Variants in TMEM184B observed in about 807,000 individuals in gnomAD.
TMEM184B encodes the protein putative MAPK-activating protein FM08.
In TMEM184B, 17 loss-of-function variants were observed where a neutral mutation model predicts 41.8. The observed-to-expected ratio is 0.41, with a 90% CI of 0.28 to 0.61. The LOEUF is 0.61. Among genes scored for constraint, TMEM184B ranks in the 20% least tolerant of loss-of-function variants. The pLI is 0.34. For missense variants in TMEM184B, 393 were observed against 557.8 expected (o/e 0.70, Z 2.98); for synonymous variants, 240 against 229.5 (o/e 1.05, Z -0.41).
chr22:38,227,427 C>G (rs2091477848), intron 5 of TMEM184B, among the ~76,000 whole-genome samples: 1 of 152,062 alleles, frequency 6.6e-6, no homozygotes, highest in South Asian at 2.1e-4. Context: ...GACCTTGGTG[C>G]CCGGGGCAAG....
At chr22:38,221,775 C>A in intron 8 of TMEM184B, 65 bp from the exon 9 acceptor site, 3 of 1,582,162 alleles carry the variant, frequency 1.9e-6, no homozygotes, top group South Asian at 2.3e-5. Flanking sequence ...GGTGGCTCAG[C>A]CCCTGCCCGT....
At position 38,230,692 on chromosome 22, in the gene TMEM184B, C is replaced by T. The variant is rs1184992787; in HGVS notation, c.502G>A (p.Gly168Arg). The T allele has an allele frequency of 1.9e-6, 3 of 1,612,174 alleles. No individual in the cohort carries two copies. Among genetic ancestry groups the T allele is most frequent in the South Asian group, 1.1e-5 (1 of 90,508 alleles). ...ACCTGTTTGCAGAACCTCAGAAATC[C>T]GATGGAATAAGTCTTTCCCCAGAGG... is the stretch of plus-strand genomic sequence containing the variant. ...CCLWGKTYSI[G>R]FLRFCKQATL... is the part of the protein sequence containing the mutation. Residue 168 changes from glycine to arginine, a missense_variant, in exon 5 of 9, where the codon GGA (glycine) becomes AGA (arginine). Physicochemically the swap from Gly to Arg is moderately radical, Grantham distance 125. This residue lies in a region of TMEM184B where 271 missense variants were observed against 434.1 expected (regional missense o/e 0.62). Coordinates refer to ENST00000361906, the MANE Select transcript of TMEM184B (RefSeq NM_012264.5).
chr22:38,220,076 C>T lies in TMEM184B; in HGVS notation c.*1393G>A. The T allele has an allele frequency of 1.0e-6, 1 of 985,510 alleles. No individual in the cohort carries two copies. The highest frequency in any genetic ancestry group is 1.2e-6 in the Non-Finnish European group (1 of 829,988). The allele number at this position is 985,510 out of a possible 1,614,324, so 61.0% of individuals were successfully genotyped here. ...TTCTCCAGGTGACTGCAGCCCAAACCCAGGGATAATCTGGGTTTTAAATGC... is the reference window on the plus strand; with the variant it reads ...TTCTCCAGGTGACTGCAGCCCAAACTCAGGGATAATCTGGGTTTTAAATGC... On this transcript the variant is annotated 3_prime_UTR_variant, in exon 9 of 9. Transcript: ENST00000361906.
At chr22:38,227,319 G>A (rs2091474483) in intron 5 of TMEM184B, among the ~76,000 whole-genome samples, 1 of 152,072 alleles carries the variant, frequency 6.6e-6, no homozygotes. Flanking sequence ...AGGCAGAGGG[G>A]GCAGCTTGCA....
At chr22:38,227,496 C>T (rs922777694) in intron 5 of TMEM184B, among the ~76,000 whole-genome samples, 1 of 152,134 alleles carries the variant, frequency 6.6e-6, no homozygotes, top group Non-Finnish European at 1.5e-5. Flanking sequence ...AGGGCCTCCT[C>T]CCATCCTCCA....
rs1401884990 is a variant in TMEM184B, at chr22:38,225,275, C to T, written c.787+149G>A. 22 of 1,094,840 alleles carry T rather than the reference C, an allele frequency of 2.0e-5. No homozygotes were observed. Among genetic ancestry groups the T allele is most frequent in the Non-Finnish European group, 2.6e-5 (20 of 783,818 alleles). The allele number at this position is 1,094,840 out of a possible 1,614,324, so 67.8% of individuals were successfully genotyped here. ...AGCCCCTGGGAAAGGCCCTCGAGGG[C>T]TCAGATTTCACCCCCAGCAAGTGCC... is the stretch of plus-strand genomic sequence containing the variant. On this transcript the variant is annotated intron_variant, in intron 7 of 8. Coordinates refer to ENST00000361906, the MANE Select transcript of TMEM184B (RefSeq NM_012264.5). The surrounding 1 kb of genome is among the most constrained non-coding windows in gnomAD (Gnocchi z 4.4).
At chr22:38,238,163 T>G (rs1018579055) in intron 3 of TMEM184B, among the ~76,000 whole-genome samples, 1 of 152,014 alleles carries the variant, frequency 6.6e-6, no homozygotes, top group Admixed American at 6.5e-5. Context: ...CCCTGAATGC[T>G]GTTTCTGACC....
At chr22:38,242,677 T>G (rs1345806083) in intron 3 of TMEM184B, among the ~76,000 whole-genome samples, 1 of 152,144 alleles carries the variant, frequency 6.6e-6, no homozygotes, top group Non-Finnish European at 1.5e-5. Flanking sequence ...CATCACTGAC[T>G]CTGCAGAGGC....
intron 1 of TMEM184B, among the ~76,000 whole-genome samples, chr22:38,266,346 A>T (rs2092443512): frequency 6.6e-6 from 1 of 152,246 alleles, no homozygotes; most frequent in Non-Finnish European, 1.5e-5. Flanking sequence ...CGTTCAAATC[A>T]AGGACTTCAC....
chr22:38,269,054 C>A (rs1376445719), intron 1 of TMEM184B, among the ~76,000 whole-genome samples: 1 of 152,222 alleles, frequency 6.6e-6, no homozygotes, highest in Non-Finnish European at 1.5e-5. Flanking sequence ...GAATCATTTG[C>A]CCCCTATTTT....
chr22:38,230,751 G>T lies in TMEM184B; in HGVS notation c.450-7C>A. On this transcript the variant is annotated splice_region_variant and splice_polypyrimidine_tract_variant and intron_variant, in intron 4 of 8. Transcript: ENST00000361906. ...GCCATACATACAGCTGGACCTGGAA[G>T]AGACAAGCATAGCAGGCAGTGGCAG... The T allele has an allele frequency of 6.2e-7, 1 of 1,610,966 alleles. No homozygotes were observed. Among genetic ancestry groups the T allele is most frequent in the South Asian group, 1.1e-5 (1 of 90,368 alleles).
At chr22:38,272,161 T>C (rs1272282635) in intron 1 of TMEM184B, among the ~76,000 whole-genome samples, 1 of 152,204 alleles carries the variant, frequency 6.6e-6, no homozygotes, top group Non-Finnish European at 1.5e-5. Context: ...GGATATGTAT[T>C]GGGAATCCAT....
intron 1 of TMEM184B, among the ~76,000 whole-genome samples, chr22:38,261,880 T>C (rs943891528): frequency 1.3e-5 from 2 of 152,250 alleles, no homozygotes; most frequent in African/African-American, 2.4e-5. Context: ...AGATTTCTCA[T>C]ACCAACCTGA....
chr22:38,226,764 G>A lies in TMEM184B; in HGVS notation c.617+15C>T, dbSNP rs1194086902. On this transcript the variant is annotated intron_variant, in intron 6 of 8. Coordinates refer to ENST00000361906, the MANE Select transcript of TMEM184B (RefSeq NM_012264.5). This position sits in a 1 kb window ranked among gnomAD's most constrained non-coding sequence, Gnocchi z 4.6. ...ACACTCCTCCCACACACCCCGGGGA[G>A]CACCCGCTGCTTACTCAAAGTCCCC... The A allele has an allele frequency of 6.3e-7, 1 of 1,584,052 alleles. No individual in the cohort carries two copies. The highest frequency in any genetic ancestry group is 8.6e-7 in the Non-Finnish European group (1 of 1,164,914).
At chr22:38,230,380 G>A (rs372759021) in intron 5 of TMEM184B, among the ~76,000 whole-genome samples, 5 of 152,326 alleles carry the variant, frequency 3.3e-5, no homozygotes, top group South Asian at 2.1e-4. Context: ...GAATCCCCAC[G>A]CACTTCTTCT....
downstream of TMEM184B, among the ~76,000 whole-genome samples, chr22:38,217,586 G>C (rs2091164474): frequency 6.6e-6 from 1 of 151,980 alleles, no homozygotes; most frequent in South Asian, 2.1e-4. Context: ...AGCTTGCAGT[G>C]AGCTGAGATC....
rs147537649 is a variant in TMEM184B at position 38,224,947 on chromosome 22, C to T, written c.820G>A (p.Ala274Thr). The change falls in exon 8 of 9, where the codon GCC becomes ACC. Residue 274 changes from alanine (A) to threonine (T), a missense_variant. Coordinates refer to ENST00000361906, the MANE Select transcript of TMEM184B (RefSeq NM_012264.5). ...CGGGCCGAGTGGATTTTGGGGATGG[C>T]CCCACACTTCTCCAGGATGGCCAGG... ...MLLAILEKCGAIPKIHSARVS... is the reference protein window; with the variant it reads ...MLLAILEKCGTIPKIHSARVS... The T allele has an allele frequency of 6.3e-7, 1 of 1,594,692 alleles. No individual in the cohort carries two copies. The highest frequency in any genetic ancestry group is 8.5e-7 in the Non-Finnish European group (1 of 1,170,322).
At position 38,221,210 on chromosome 22, in the gene TMEM184B, G is replaced by T. The variant is rs1047600019; in HGVS notation, c.*259C>A. The T allele has an allele frequency of 6.7e-6, 9 of 1,339,362 alleles. No homozygotes were observed. Among genetic ancestry groups the T allele is most frequent in the Non-Finnish European group, 8.6e-6 (9 of 1,047,058 alleles). The allele number at this position is 1,339,362 out of a possible 1,614,324, so 83.0% of individuals were successfully genotyped here. On this transcript the variant is annotated 3_prime_UTR_variant, in exon 9 of 9. Transcript: ENST00000361906. ...CCCCAGCACAGGACGGGCAGCAGGG[G>T]CATAAGCCTTGCTCCCAGTGTCCTC...
intron 5 of TMEM184B, among the ~76,000 whole-genome samples, chr22:38,230,127 G>A (rs2091564653): frequency 1.0e-5 from 1 of 97,770 alleles, no homozygotes; most frequent in African/African-American, 4.8e-5. Context: ...AGAGCGGCTG[G>A]ATTGCCAAGG....
Sources: gnomAD v4.1 joint callset for allele counts (sites outside exome capture counted in the v4.1 genomes callset) on GRCh38, gnomAD v4.1.1 for gene constraint, gnomAD v4.1.1 regional missense constraint, Gnocchi (gnomAD v3.1) non-coding constraint, MANE v1.5 for transcripts, NCBI Gene and HGNC (gene_info 2026-07-23, HGNC 2026-07-21) for gene names.